Variants in PPP6R1 observed in about 807,000 individuals in gnomAD.
PPP6R1 encodes the protein protein phosphatase 6 regulatory subunit 1.
PPP6R1 carries 39 observed loss-of-function variants against 104.6 expected under a neutral mutation model. The ratio of observed to expected loss-of-function variants is 0.37; its 90% CI spans 0.29 to 0.49. PPP6R1 has a LOEUF of 0.49. PPP6R1 is among the 20% of genes least tolerant of loss of function. The probability of loss-of-function intolerance (pLI) is 0.98; values close to 1 mark genes in which losing one functional copy is unlikely to be tolerated. For missense variants in PPP6R1, 1,181 were observed against 1,155.8 expected (o/e 1.02, Z -0.32); for synonymous variants, 549 against 479.0 (o/e 1.15, Z -1.91).
chr19:55,245,215 C>T lies in PPP6R1; in HGVS notation c.553-30G>A, dbSNP rs1283099047. The T allele has an allele frequency of 1.2e-6, 2 of 1,608,014 alleles. No homozygotes were observed. The highest frequency in any genetic ancestry group is 1.7e-5 in the Admixed American group (1 of 59,218). ...GGGTGAGAAGGCGAGGGATGCATCG[C>T]TGTCCACCACGCCCAGCCCCCCACC... On this transcript the variant is annotated intron_variant, in intron 4 of 23. Transcript: ENST00000412770. The surrounding 1 kb of genome is among the most constrained non-coding windows in gnomAD (Gnocchi z 6.4).
At chr19:55,250,823 G>A (rs1313511167) in intron 1 of PPP6R1, among the ~76,000 whole-genome samples, 3 of 151,780 alleles carry the variant, frequency 2.0e-5, no homozygotes, top group Non-Finnish European at 4.4e-5. Flanking sequence ...ACCACTTGAC[G>A]GCAGGCCCCC....
chr19:55,244,904 C>G (rs1267823577), intron 5 of PPP6R1, among the ~76,000 whole-genome samples: 1 of 152,090 alleles, frequency 6.6e-6, no homozygotes, highest in African/African-American at 2.4e-5. Context: ...ACACCACACT[C>G]AGCTAAGTTT....
Position 55,245,188 on chromosome 19 carries a change from G to A in PPP6R1, c.553-3C>T, listed in dbSNP as rs377267195. ...ACGATCTTCTCCTCGTTGAGCCACT[G>A]AGGGTGAGAAGGCGAGGGATGCATC... On this transcript the variant is annotated splice_region_variant and splice_polypyrimidine_tract_variant and intron_variant, in intron 4 of 23. Coordinates refer to ENST00000412770, the MANE Select transcript of PPP6R1 (RefSeq NM_014931.4). The surrounding 1 kb of genome is among the most constrained non-coding windows in gnomAD (Gnocchi z 6.4). 8.1e-6 allele frequency: 13 copies of A among 1,612,570 alleles called. No homozygotes were observed. Among genetic ancestry groups the A allele is most frequent in the African/African-American group, 6.7e-5 (5 of 74,924 alleles).
rs564254532 is a variant in PPP6R1, at chr19:55,230,125, C to T, written c.*403G>A. ...CGCTGCAGCGTGGGACAGCTGGGCA[C>T]GTGGGTGGCAACCTTGGGACCCCTA... On this transcript the variant is annotated 3_prime_UTR_variant, in exon 24 of 24. Coordinates refer to ENST00000412770, the MANE Select transcript of PPP6R1 (RefSeq NM_014931.4). 4.9e-4 allele frequency: 96 copies of T among 196,660 alleles called. No homozygotes were observed. Among genetic ancestry groups the T allele is most frequent in the African/African-American group, 2.1e-3 (89 of 42,610 alleles). 12.2% of individuals were successfully genotyped at this position (196,660 alleles called of 1,614,324 possible). A position where few individuals can be genotyped will look rare whatever the true frequency, so the allele number is the denominator to read the frequency against.
intron 2 of PPP6R1, 97 bp downstream of exon 2, chr19:55,246,780 C>A: frequency 4.3e-6 from 5 of 1,172,738 alleles, no homozygotes; most frequent in East Asian, 2.6e-5. Flanking sequence ...CTGGAGTTTA[C>A]TGACACTGAC....
In PPP6R1 at chr19:55,246,889, C is replaced by T. The variant is rs766251322; in HGVS notation, c.215G>A (p.Arg72Gln). 33 of 1,604,032 alleles carry T rather than the reference C, an allele frequency of 2.1e-5. No individual in the cohort carries two copies. Among genetic ancestry groups the T allele is most frequent in the Admixed American group, 5.1e-5 (3 of 58,748 alleles). Residue 72 changes from arginine to glutamine, a missense_variant, in exon 2 of 24, where the codon CGG becomes CAG. Around this residue, in one of 2 missense-constraint regions of PPP6R1, gnomAD observed 139 missense variants for 200.1 expected, o/e 0.69. Transcript: ENST00000412770. ...CTGGGGAACTCACTTGTAGCGCAGC[C>T]GCTCCTCACCGCTATCTGGCGGCTC... The part of the protein sequence containing the change: ...TQEPPDSGEE[R>Q]LRYKYPSVAC...
intron 1 of PPP6R1, among the ~76,000 whole-genome samples, chr19:55,251,185 G>A (rs1322457610): frequency 2.6e-5 from 4 of 152,064 alleles, no homozygotes; most frequent in African/African-American, 7.2e-5. Flanking sequence ...CTGACCTGCC[G>A]CCTGGAAGCA....
chr19:55,246,125 C>G (rs1396913447), intron 2 of PPP6R1, among the ~76,000 whole-genome samples: 2 of 152,174 alleles, frequency 1.3e-5, no homozygotes, highest in East Asian at 3.9e-4. Context: ...GCTGCCCCAC[C>G]AGCGTGCCAC....
chr19:55,255,762 TC>T (rs2087587989), intron 1 of PPP6R1: 1 of 152,490 alleles, frequency 6.6e-6, no homozygotes, highest in Non-Finnish European at 1.5e-5. Flanking sequence ...CCGGAGCTCT[TC>T]GAGTCTGACT....
At position 55,247,059 on chromosome 19, in the gene PPP6R1, C is replaced by T. The variant is rs554003246; in HGVS notation, c.45G>A (p.Thr15=). The T allele has an allele frequency of 1.5e-5, 24 of 1,613,754 alleles. No homozygotes were observed. Among genetic ancestry groups the T allele is most frequent in the South Asian group, 1.4e-4 (13 of 91,084 alleles). ...GGCTCAGGTCCTCCCGCTCCAGCAG[C>T]GTGTCCAGGTGCGAGCTTGTGTGCA... The part of the protein sequence containing the change: ...FDLHTSSHLD[T]LLEREDLSLP... Residue 15 remains threonine, a synonymous_variant, in exon 2 of 24, where the codon ACG becomes ACA. Transcript: ENST00000412770.
Position 55,242,185 on chromosome 19 carries a change from G to C in PPP6R1, c.826C>G (p.Leu276Val). 6.2e-7 allele frequency: 1 copy of C among 1,613,472 alleles called. No homozygotes were observed. The highest frequency in any genetic ancestry group is 1.1e-5 in the South Asian group (1 of 91,086). Reference protein sequence around the residue: ...VSGIQVLLTLLEPRRPRSESV... With the variant: ...VSGIQVLLTLVEPRRPRSESV... Reference sequence around the variant, plus strand: ...CCTCACCTCGGCCTCCTGGGCTCCAGCAGGGTCAGCAGCACCTGGATCCCA... The same window carrying C: ...CCTCACCTCGGCCTCCTGGGCTCCACCAGGGTCAGCAGCACCTGGATCCCA... Residue 276 changes from leucine (L) to valine (V), a missense_variant, in exon 7 of 24, where the codon CTG becomes GTG. Physicochemically the swap from Leu to Val is conservative, Grantham distance 32 (BLOSUM62 1). Transcript: ENST00000412770.
rs1301844495 is a variant in PPP6R1 at position 55,239,391 on chromosome 19, C to T, written c.1751+14G>A. 3 of 1,608,172 alleles carry T rather than the reference C, an allele frequency of 1.9e-6. No homozygotes were observed. In the Admixed American group the frequency reaches 5.0e-5, roughly 27 times the overall value. ...GGCAGGACAGGGCTGTGACCCTGCGCAGGAGACACTCACTTCACACTCTCC... is the reference window on the plus strand; with the variant it reads ...GGCAGGACAGGGCTGTGACCCTGCGTAGGAGACACTCACTTCACACTCTCC... On this transcript the variant is annotated intron_variant, in intron 15 of 23. Coordinates refer to ENST00000412770, the MANE Select transcript of PPP6R1 (RefSeq NM_014931.4).
At position 55,241,233 on chromosome 19, in the gene PPP6R1, C is replaced by T. The variant is rs371765388; in HGVS notation, c.1161+6G>A. 251 of 1,576,306 alleles carry T rather than the reference C, an allele frequency of 1.6e-4. 1 individual carries two copies. The South Asian group carries it at 2.8e-3, about 17-fold the overall frequency. On this transcript the variant is annotated splice_donor_region_variant and intron_variant, in intron 9 of 23. Transcript: ENST00000412770. The surrounding 1 kb of genome is among the most constrained non-coding windows in gnomAD (Gnocchi z 5.4). ...CTGAACCCCCAGCCCGGTCCAGTCC[C>T]CGCACCAGCATGGTGTTGGGCACGT...
chr19:55,254,187 G>A (rs2087575183), intron 1 of PPP6R1, among the ~76,000 whole-genome samples: 1 of 152,184 alleles, frequency 6.6e-6, no homozygotes. Flanking sequence ...CATGCACCCC[G>A]CCACCCCCAT....
chr19:55,230,754 C>CCCCCCCA lies in PPP6R1; in HGVS notation c.2570+19_2570+20insTGGGGGG. ...ACCAGCCCCACCCCCACCCCCCCGC[C>CCCCCCCA]CTGCTGCCCTGGTGCTCACCTCTGG... On this transcript the variant is annotated intron_variant, in intron 22 of 23. Transcript: ENST00000412770. 1 of 1,486,532 alleles carries CCCCCCCA rather than the reference C, an allele frequency of 6.7e-7. No homozygotes were observed. Among genetic ancestry groups the CCCCCCCA allele is most frequent in the Non-Finnish European group, 9.0e-7 (1 of 1,111,590 alleles). The allele number at this position is 1,486,532 out of a possible 1,614,324, so 92.1% of individuals were successfully genotyped here.
In PPP6R1 at chr19:55,230,396, G is replaced by A. The variant is rs2087329057; in HGVS notation, c.*132C>T. 4 of 1,370,074 alleles carry A rather than the reference G, an allele frequency of 2.9e-6. No individual in the cohort carries two copies. Among genetic ancestry groups the A allele is most frequent in the Non-Finnish European group, 3.0e-6 (3 of 994,924 alleles). The allele number at this position is 1,370,074 out of a possible 1,614,324, so 84.9% of individuals were successfully genotyped here. On this transcript the variant is annotated 3_prime_UTR_variant, in exon 24 of 24. Transcript: ENST00000412770. Reference sequence around the variant, plus strand: ...GTCTCCCTGGCACCAGCCTCCTGGGGGTCCAGAGGAGAGAATGTGGGGGTG... The same window carrying A: ...GTCTCCCTGGCACCAGCCTCCTGGGAGTCCAGAGGAGAGAATGTGGGGGTG...
chr19:55,247,450 A>C, intron 1 of PPP6R1: 1 of 313,258 alleles, frequency 3.2e-6, no homozygotes, highest in Non-Finnish European at 6.1e-6. Context: ...GGTGTGGACC[A>C]TGTGCAGGGC....
At chr19:55,248,455 G>A (rs2087528160) in intron 1 of PPP6R1, among the ~76,000 whole-genome samples, 1 of 152,222 alleles carries the variant, frequency 6.6e-6, no homozygotes, top group African/African-American at 2.4e-5. Context: ...TAAGGCAGAG[G>A]CCACTGCTAC....
chr19:55,250,137 G>A (rs1404084388), intron 1 of PPP6R1, among the ~76,000 whole-genome samples: 2 of 152,302 alleles, frequency 1.3e-5, no homozygotes, highest in Non-Finnish European at 2.9e-5. Flanking sequence ...GGCATTCCAG[G>A]CAATGATGTC....
Sources: allele counts gnomAD v4.1 joint callset (sites outside exome capture counted in the v4.1 genomes callset), GRCh38; gene constraint gnomAD v4.1.1; regional missense constraint gnomAD v4.1.1; non-coding constraint Gnocchi (gnomAD v3.1); transcripts MANE v1.5; gene names NCBI Gene and HGNC (gene_info 2026-07-23, HGNC 2026-07-21).